Variants in FSHR observed in about 807,000 individuals in gnomAD.
The protein encoded by FSHR is follicle stimulating hormone receptor.
Under a neutral mutation model 52.1 loss-of-function variants are expected in FSHR, and 46 were observed. The ratio of observed to expected loss-of-function variants is 0.88; its 90% CI spans 0.70 to 1.13. The LOEUF is 1.13. FSHR is among the 50% of genes most tolerant of loss of function. The probability of loss-of-function intolerance (pLI) is 0.00; values close to 1 mark genes in which losing one functional copy is unlikely to be tolerated. For synonymous variants in FSHR, 399 were observed against 309.6 expected (o/e 1.29, Z -3.03); for missense variants, 964 against 834.6 (o/e 1.16, Z -1.91).
intron 1 of FSHR, among the ~76,000 whole-genome samples, chr2:49,082,738 G>C (rs1377032526): frequency 6.6e-6 from 1 of 152,098 alleles, no homozygotes; most frequent in Admixed American, 6.5e-5. Flanking sequence ...TGGAAGAAAG[G>C]GTATCAGCGA....
At chr2:48,981,294 G>C (rs1027990798) in intron 8 of FSHR, among the ~76,000 whole-genome samples, 2 of 152,116 alleles carry the variant, frequency 1.3e-5, no homozygotes, top group African/African-American at 4.8e-5. Flanking sequence ...CCCCCAATGA[G>C]AATATAAGCT....
At chr2:49,109,356 C>T (rs192512824) in intron 1 of FSHR, among the ~76,000 whole-genome samples, 3 of 152,182 alleles carry the variant, frequency 2.0e-5, no homozygotes, top group African/African-American at 7.2e-5. Flanking sequence ...GGAGAAATGC[C>T]ATGAGAGATG....
At chr2:49,081,440 T>C (rs1670165910) in intron 1 of FSHR, among the ~76,000 whole-genome samples, 1 of 152,210 alleles carries the variant, frequency 6.6e-6, no homozygotes, top group African/African-American at 2.4e-5. Flanking sequence ...ATATTCTCTA[T>C]ACTTCATGCT....
At chr2:48,988,605 C>T (rs938594246) in intron 6 of FSHR, among the ~76,000 whole-genome samples, 8 of 152,228 alleles carry the variant, frequency 5.3e-5, no homozygotes. Flanking sequence ...ATGAGGGAAT[C>T]GCCATATCTT....
intron 1 of FSHR, among the ~76,000 whole-genome samples, chr2:49,112,917 G>A (rs531529287): frequency 6.6e-6 from 1 of 152,214 alleles, no homozygotes; most frequent in South Asian, 2.1e-4. Context: ...CCTGACACAA[G>A]TCCCAAATGC....
chr2:49,094,789 A>T (rs1670759946), intron 1 of FSHR, among the ~76,000 whole-genome samples: 1 of 152,106 alleles, frequency 6.6e-6, no homozygotes, highest in Admixed American at 6.5e-5. Flanking sequence ...ATAAACAATA[A>T]AGATTAGAAG....
chr2:49,021,019 G>C (rs1207681632), intron 2 of FSHR, among the ~76,000 whole-genome samples: 1 of 152,008 alleles, frequency 6.6e-6, no homozygotes. Context: ...TGGGTTGATA[G>C]GTGCAGCAAA....
At chr2:49,032,085 A>G (rs1003444257) in intron 2 of FSHR, among the ~76,000 whole-genome samples, 3 of 152,198 alleles carry the variant, frequency 2.0e-5, no homozygotes, top group Non-Finnish European at 4.4e-5. Context: ...AAGTAAACAT[A>G]TACTTTACCC....
At chr2:48,968,153 G>A (rs543232110) in intron 9 of FSHR, among the ~76,000 whole-genome samples, 83 of 152,244 alleles carry the variant, frequency 5.5e-4, no homozygotes, top group Middle Eastern at 3.4e-3. Context: ...CCTTGAACCC[G>A]GCTTTCTTTG....
At chr2:49,145,626 T>C (rs754684871) in intron 1 of FSHR, among the ~76,000 whole-genome samples, 4 of 152,072 alleles carry the variant, frequency 2.6e-5, no homozygotes, top group Admixed American at 1.3e-4. Context: ...ATTTCGACAA[T>C]GACTATTCTG....
At chr2:49,059,989 GA>G (rs1415194683) in intron 2 of FSHR, among the ~76,000 whole-genome samples, 1 of 151,716 alleles carries the variant, frequency 6.6e-6, no homozygotes, top group Non-Finnish European at 1.5e-5. Flanking sequence ...GAATATATAA[GA>G]AACTCAAACA....
At chr2:48,979,685 G>A (rs1475306521) in intron 8 of FSHR, among the ~76,000 whole-genome samples, 1 of 152,124 alleles carries the variant, frequency 6.6e-6, no homozygotes, top group Non-Finnish European at 1.5e-5. Context: ...ATCTCCCCAT[G>A]GGATCAGCTG....
At chr2:48,984,410 G>T (rs1382520432) in intron 6 of FSHR, among the ~76,000 whole-genome samples, 1 of 152,048 alleles carries the variant, frequency 6.6e-6, no homozygotes, top group Non-Finnish European at 1.5e-5. Flanking sequence ...TGGATCCCTG[G>T]GGATTTGAAT....
chr2:49,116,809 A>G (rs1279140509), intron 1 of FSHR, among the ~76,000 whole-genome samples: 1 of 152,206 alleles, frequency 6.6e-6, no homozygotes, highest in Non-Finnish European at 1.5e-5. Context: ...TTCTTAGTGT[A>G]ACTCTGTTAT....
chr2:49,080,638 A>G (rs1332352945), intron 1 of FSHR, among the ~76,000 whole-genome samples: 1 of 152,234 alleles, frequency 6.6e-6, no homozygotes, highest in Non-Finnish European at 1.5e-5. Flanking sequence ...ATAAAGGTTA[A>G]CAACATGCAA....
chr2:49,032,796 G>A (rs981314902), intron 2 of FSHR, among the ~76,000 whole-genome samples: 1 of 152,134 alleles, frequency 6.6e-6, no homozygotes, highest in Non-Finnish European at 1.5e-5. Context: ...GCAGCATACT[G>A]GTGTTATGGA....
intron 1 of FSHR, among the ~76,000 whole-genome samples, chr2:49,127,828 TCCTC>T (rs754847614): frequency 0.054 from 2,936 of 54,568 alleles, 231 homozygotes; most frequent in East Asian, 0.17. Flanking sequence ...TTCTTCTTCT[TCCTC>T]TTCTTCTTCT....
chr2:49,127,806 T>TTCC (rs1672080751), intron 1 of FSHR, among the ~76,000 whole-genome samples: 2 of 59,990 alleles, frequency 3.3e-5, no homozygotes, highest in African/African-American at 7.1e-5. Context: ...CTTCTTCTTC[T>TTCC]TCTTCTTCTT....
intron 1 of FSHR, among the ~76,000 whole-genome samples, chr2:49,123,493 T>A (rs150124598): frequency 1.3e-5 from 2 of 152,114 alleles, no homozygotes; most frequent in East Asian, 1.9e-4. Context: ...TCTCAAATTT[T>A]AAAAAAATAA....
Sources: allele counts gnomAD v4.1 joint callset (sites outside exome capture counted in the v4.1 genomes callset), GRCh38; gene constraint gnomAD v4.1.1; transcripts MANE v1.5; gene names NCBI Gene and HGNC (gene_info 2026-07-23, HGNC 2026-07-21).